Variants in WDR41 observed in about 807,000 individuals in gnomAD.
WDR41 encodes WD repeat domain 41.
A neutral mutation model predicts 69.3 loss-of-function variants in WDR41; 63 were observed. The ratio of observed to expected loss-of-function variants is 0.91; its 90% CI spans 0.74 to 1.12. The LOEUF is 1.12. Among genes scored for constraint, WDR41 ranks in the 50% most tolerant of loss-of-function variants. WDR41 has a pLI of 0.00. For missense variants in WDR41, 543 were observed against 534.5 expected (o/e 1.02, Z -0.16); for synonymous variants, 185 against 192.1 (o/e 0.96, Z 0.31).
At chr5:77,495,393 G>T (rs1801920343), upstream of WDR41, among the ~76,000 whole-genome samples, 3 of 151,548 alleles carry the variant, frequency 2.0e-5, no homozygotes, top group South Asian at 6.2e-4. Flanking sequence ...GACTGACAAA[G>T]AAAAAAAGAG....
At chr5:77,589,776 T>C (rs377358394) in intron 1 of WDR41, among the ~76,000 whole-genome samples, 1 of 152,282 alleles carries the variant, frequency 6.6e-6, no homozygotes, top group African/African-American at 2.4e-5. Context: ...TCATGAACAA[T>C]GACATTTTTA....
intron 1 of WDR41, among the ~76,000 whole-genome samples, chr5:77,583,578 A>T (rs1162817803): frequency 6.6e-6 from 1 of 151,962 alleles, no homozygotes; most frequent in Non-Finnish European, 1.5e-5. Flanking sequence ...TTATATAGGT[A>T]CCCCATAAAT....
At chr5:77,501,361 A>G (rs938773121) in intron 1 of WDR41, among the ~76,000 whole-genome samples, 2 of 152,238 alleles carry the variant, frequency 1.3e-5, no homozygotes, top group Admixed American at 1.3e-4. Flanking sequence ...GTAGGTAAAC[A>G]AAGCAGCCGG....
intron 1 of WDR41, chr5:77,499,604 C>T (rs1229242266): frequency 6.6e-6 from 1 of 152,206 alleles, no homozygotes; most frequent in East Asian, 1.9e-4. Context: ...TCTTTCTACC[C>T]TTCCACTAAC....
At chr5:77,454,138 T>C (rs948714907) in intron 5 of WDR41, among the ~76,000 whole-genome samples, 2 of 152,170 alleles carry the variant, frequency 1.3e-5, no homozygotes, top group African/African-American at 4.8e-5. Context: ...CAAGACTAAG[T>C]CATAAAAGAT....
intron 1 of WDR41, among the ~76,000 whole-genome samples, chr5:77,584,501 A>C (rs970256484): frequency 1.5e-4 from 23 of 152,198 alleles, no homozygotes; most frequent in African/African-American, 5.1e-4. Flanking sequence ...TAAAGCACTA[A>C]ATTTAAGAAG....
chr5:77,497,597 A>G (rs950740893), intron 1 of WDR41, among the ~76,000 whole-genome samples: 2 of 152,210 alleles, frequency 1.3e-5, no homozygotes, highest in African/African-American at 4.8e-5. Flanking sequence ...AAGCTGGAAA[A>G]TAAATGTTGA....
At chr5:77,568,572 G>A (rs1175498070) in intron 1 of WDR41, among the ~76,000 whole-genome samples, 1 of 152,102 alleles carries the variant, frequency 6.6e-6, no homozygotes. Flanking sequence ...CCTCGCACAG[G>A]TAATATGATT....
chr5:77,615,198 C>T (rs1017159952), intron 1 of WDR41, among the ~76,000 whole-genome samples: 1 of 152,276 alleles, frequency 6.6e-6, no homozygotes, highest in Admixed American at 6.5e-5. Context: ...CTTAAGACCA[C>T]TCTGTTGTAT....
rs1801669079 is a variant in WDR41 at position 77,489,456 on chromosome 5, C to T, written c.167+1G>A. 1.3e-6 allele frequency: 2 copies of T among 1,573,836 alleles called. No individual in the cohort carries two copies. Among genetic ancestry groups the T allele is most frequent in the Non-Finnish European group, 8.7e-7 (1 of 1,154,274 alleles). ...TCAATTAGACCACTATAGCTTCTTA[C>T]CTGTAGTCATCTAACTGTACCAGAA... On this transcript the variant is annotated splice_donor_variant, in intron 2 of 12. Coordinates refer to ENST00000296679, the MANE Select transcript of WDR41 (RefSeq NM_018268.4). LOFTEE classifies it high-confidence loss of function.
intron 1 of WDR41, among the ~76,000 whole-genome samples, chr5:77,616,932 G>A (rs772020732): frequency 6.6e-6 from 1 of 152,126 alleles, no homozygotes; most frequent in Non-Finnish European, 1.5e-5. Context: ...TTAAAATCTA[G>A]ATAGAAATCT....
chr5:77,476,887 TAAAG>T (rs1250249774), intron 2 of WDR41, among the ~76,000 whole-genome samples: 3 of 142,846 alleles, frequency 2.1e-5, no homozygotes, highest in Non-Finnish European at 4.5e-5. Flanking sequence ...GCAAATTGGA[TAAAG>T]AGTCAAGACC....
intron 2 of WDR41, among the ~76,000 whole-genome samples, chr5:77,474,192 A>C (rs533938760): frequency 1.3e-5 from 2 of 152,098 alleles, no homozygotes; most frequent in Non-Finnish European, 2.9e-5. Flanking sequence ...AGGACAAAAA[A>C]CCAAACACCG....
intron 1 of WDR41, among the ~76,000 whole-genome samples, chr5:77,598,644 C>CCTTT (rs1433590220): frequency 5.8e-5 from 7 of 121,358 alleles, no homozygotes; most frequent in African/African-American, 2.0e-4. Context: ...AGTAAGTTTC[C>CCTTT]TTTTTTTTTT....
intron 1 of WDR41, among the ~76,000 whole-genome samples, chr5:77,514,095 T>C (rs908996191): frequency 2.0e-5 from 3 of 152,192 alleles, no homozygotes; most frequent in Admixed American, 6.5e-5. Context: ...TTCATACAAG[T>C]AATTATAGTA....
intron 1 of WDR41, among the ~76,000 whole-genome samples, chr5:77,512,582 T>C (rs1364384033): frequency 6.6e-6 from 1 of 151,612 alleles, no homozygotes; most frequent in Non-Finnish European, 1.5e-5. Flanking sequence ...AAACCCTGCC[T>C]CTACTAAAAA....
At chr5:77,479,410 T>C (rs1401184486) in intron 2 of WDR41, among the ~76,000 whole-genome samples, 1 of 152,094 alleles carries the variant, frequency 6.6e-6, no homozygotes, top group Non-Finnish European at 1.5e-5. Flanking sequence ...TCACACTACC[T>C]GACTTCAAAC....
At chr5:77,439,197 T>A (rs548934995) in intron 9 of WDR41, among the ~76,000 whole-genome samples, 1 of 152,188 alleles carries the variant, frequency 6.6e-6, no homozygotes, top group East Asian at 1.9e-4. Flanking sequence ...TCTTACTCAA[T>A]AGATATCCCC....
At chr5:77,595,711 A>C (rs1244240578) in intron 1 of WDR41, among the ~76,000 whole-genome samples, 2 of 152,208 alleles carry the variant, frequency 1.3e-5, no homozygotes, top group East Asian at 3.8e-4. Flanking sequence ...ACATTTCCAC[A>C]AACAAATTAA....
Sources: gnomAD v4.1 joint callset for allele counts (sites outside exome capture counted in the v4.1 genomes callset) on GRCh38, gnomAD v4.1.1 for gene constraint, MANE v1.5 for transcripts, NCBI Gene and HGNC (gene_info 2026-07-23, HGNC 2026-07-21) for gene names.